Variants in UTS2 observed in about 807,000 individuals in gnomAD.
The protein encoded by UTS2 is urotensin 2, also known as urotensin-2.
In UTS2, 10 loss-of-function variants were observed where a neutral mutation model predicts 12.6. The observed-to-expected ratio is 0.80, with a 90% CI of 0.49 to 1.35. The LOEUF (loss-of-function observed/expected upper bound fraction) is 1.35, where lower values mean the gene tolerates loss of function less well. UTS2 is among the 40% of genes most tolerant of loss of function. The probability of loss-of-function intolerance (pLI) is 0.00; values close to 1 mark genes in which losing one functional copy is unlikely to be tolerated. For synonymous variants in UTS2, 52 were observed against 50.0 expected, an observed-to-expected ratio of 1.04 and a Z score of -0.17; for missense variants, 142 against 143.2, an observed-to-expected ratio of 0.99 and a Z score of 0.04.
At chr1:7,886,208 C>T in the UTS2 span, among the ~76,000 whole-genome samples, 1 of 152,214 alleles carries the variant, frequency 6.6e-6, no homozygotes, top group Admixed American at 6.5e-5. Flanking sequence ...CCCCGGCTGT[C>T]TCCTGCTATC....
chr1:7,895,350 T>C, the UTS2 span, among the ~76,000 whole-genome samples: 5 of 150,926 alleles, frequency 3.3e-5, no homozygotes, highest in African/African-American at 1.2e-4. Context: ...GCCTGGGTGA[T>C]AAGAGCGAGA....
the UTS2 span, among the ~76,000 whole-genome samples, chr1:7,911,225 C>T: frequency 2.0e-5 from 3 of 152,162 alleles, no homozygotes; most frequent in Admixed American, 2.0e-4. Flanking sequence ...TTGGAAACAG[C>T]ACAATTGCAG....
At chr1:7,872,511 C>A in the UTS2 span, among the ~76,000 whole-genome samples, 3 of 152,062 alleles carry the variant, frequency 2.0e-5, no homozygotes, top group African/African-American at 4.8e-5. Flanking sequence ...AGCCTTCTTG[C>A]TGATATGGAG....
the UTS2 span, among the ~76,000 whole-genome samples, chr1:7,908,365 C>T: frequency 6.8e-6 from 1 of 146,416 alleles, no homozygotes; most frequent in Non-Finnish European, 1.5e-5. Flanking sequence ...ACTTGGGAGG[C>T]TGAGGCAGGA....
chr1:7,906,795 C>A, the UTS2 span, among the ~76,000 whole-genome samples: 10 of 152,086 alleles, frequency 6.6e-5, no homozygotes, highest in African/African-American at 2.2e-4. Context: ...GTCCAGGATG[C>A]GAATTCAAAA....
chr1:7,865,763 T>C, the UTS2 span, among the ~76,000 whole-genome samples: 33 of 151,954 alleles, frequency 2.2e-4, no homozygotes, highest in African/African-American at 6.3e-4. Context: ...GGAGACCCCA[T>C]CTCTACAAAT....
chr1:7,876,801 A>G, the UTS2 span, among the ~76,000 whole-genome samples: 1 of 151,152 alleles, frequency 6.6e-6, no homozygotes, highest in Non-Finnish European at 1.5e-5. Context: ...CAATATTAGA[A>G]GAAGCAACTG....
At chr1:7,889,442 C>CAAAAAAAAAA in the UTS2 span, among the ~76,000 whole-genome samples, 32 of 85,304 alleles carry the variant, frequency 3.8e-4, no homozygotes, top group South Asian at 9.4e-4. Flanking sequence ...ATCTTATCAC[C>CAAAAAAAAAA]AAAAAAAAAA....
At chr1:7,856,082 C>T (rs12089608), upstream of UTS2, among the ~76,000 whole-genome samples, 1,103 of 152,138 alleles carry the variant, frequency 7.3e-3, 13 homozygotes, top group African/African-American at 0.025. Context: ...TCTCCTGCCT[C>T]GGCCCCCGGA....
At chr1:7,863,085 ATTGTATTGTATTGTATTGTATTGTATTGT>A in the UTS2 span, among the ~76,000 whole-genome samples, 3 of 106,596 alleles carry the variant, frequency 2.8e-5, no homozygotes, top group Admixed American at 9.4e-5. Context: ...ATTGTATTGT[ATTGTATTGTATTGTATTGTATTGTATTGT>A]ATTGTATTGT....
the UTS2 span, among the ~76,000 whole-genome samples, chr1:7,904,670 T>G: frequency 6.6e-6 from 1 of 152,056 alleles, no homozygotes; most frequent in Non-Finnish European, 1.5e-5. Context: ...TTTGGGAGGA[T>G]GAGGCAGGCA....
chr1:7,862,099 G>A, the UTS2 span, among the ~76,000 whole-genome samples: 1 of 151,904 alleles, frequency 6.6e-6, no homozygotes, highest in African/African-American at 2.4e-5. Context: ...TTTTAGTAGA[G>A]ATGGGATTGC....
the UTS2 span, among the ~76,000 whole-genome samples, chr1:7,863,197 C>T: frequency 2.6e-5 from 4 of 151,880 alleles, no homozygotes; most frequent in Non-Finnish European, 4.4e-5. Flanking sequence ...CTGCAACCTC[C>T]GCCTCCCGGG....
chr1:7,899,819 T>C, the UTS2 span, among the ~76,000 whole-genome samples: 2 of 152,238 alleles, frequency 1.3e-5, no homozygotes, highest in Non-Finnish European at 2.9e-5. Flanking sequence ...TATGTAGTTC[T>C]GGCTCAGGGT....
At chr1:7,883,836 T>A in the UTS2 span, among the ~76,000 whole-genome samples, 1 of 149,484 alleles carries the variant, frequency 6.7e-6, no homozygotes, top group African/African-American at 2.5e-5. Context: ...TTTTTAGCAA[T>A]AAAATATTCT....
chr1:7,902,957 T>C, the UTS2 span, among the ~76,000 whole-genome samples: 7 of 151,806 alleles, frequency 4.6e-5, no homozygotes, highest in African/African-American at 1.7e-4. Context: ...TGGTAGAGCG[T>C]TTTTTGTTCT....
At chr1:7,879,053 A>G in the UTS2 span, among the ~76,000 whole-genome samples, 1 of 152,208 alleles carries the variant, frequency 6.6e-6, no homozygotes, top group Non-Finnish European at 1.5e-5. Flanking sequence ...ACTCCAATAC[A>G]ATAACAGTTG....
At chr1:7,912,796 C>T in the UTS2 span, among the ~76,000 whole-genome samples, 2 of 152,068 alleles carry the variant, frequency 1.3e-5, no homozygotes, top group African/African-American at 4.8e-5. Flanking sequence ...CAAGCTCCAT[C>T]CCAGGACTTC....
chr1:7,907,936 C>T, the UTS2 span, among the ~76,000 whole-genome samples: 3 of 151,890 alleles, frequency 2.0e-5, no homozygotes, highest in Non-Finnish European at 4.4e-5. Flanking sequence ...CCGAGGCAAG[C>T]AAGCAGATCA....
Sources: allele counts gnomAD v4.1 joint callset (sites outside exome capture counted in the v4.1 genomes callset), GRCh38; gene constraint gnomAD v4.1.1; transcripts MANE v1.5; gene names NCBI Gene and HGNC (gene_info 2026-07-23, HGNC 2026-07-21).